ARSG: variants seen among roughly 807,000 people sequenced by gnomAD.
ARSG encodes arylsulfatase G.
In ARSG, 37 loss-of-function variants were observed where a neutral mutation model predicts 50.5. The observed-to-expected ratio is 0.73, with a 90% confidence interval of 0.56 to 0.96. ARSG has a LOEUF of 0.96. ARSG is among the 50% of genes least tolerant of loss of function. The pLI is 0.00. For synonymous variants in ARSG, 225 were observed against 254.6 expected, an observed-to-expected ratio of 0.88 and a Z score of 1.11; for missense variants, 629 against 675.3, an observed-to-expected ratio of 0.93 and a Z score of 0.76.
chr17:68,439,595 G>T, the ARSG span, among the ~76,000 whole-genome samples: 12 of 152,174 alleles, frequency 7.9e-5, no homozygotes. Context: ...ATTGAACCAT[G>T]CATTTTAAAC....
intron 2 of ARSG, among the ~76,000 whole-genome samples, chr17:68,334,967 G>A (rs1367312776): frequency 6.6e-6 from 1 of 152,128 alleles, no homozygotes; most frequent in East Asian, 1.9e-4. Context: ...CTCAATGGGA[G>A]GCATGTCAAA....
intron 8 of ARSG, among the ~76,000 whole-genome samples, chr17:68,375,560 A>G (rs1232369052): frequency 2.0e-5 from 3 of 152,246 alleles, no homozygotes; most frequent in Middle Eastern, 3.2e-3. Context: ...ATTAAAATTA[A>G]TACAATTTAA....
In ARSG at chr17:68,363,797, G is replaced by T. The variant is rs184030685; in HGVS notation, c.705-4751G>T. On this transcript the variant is annotated intron_variant, in intron 6 of 11. Transcript: ENST00000621439. ...CTAGTACGTTTCTAAATAGAGATCT[G>T]CCAGATCAAGTCTGGGTTAGAGAAG... is the stretch of plus-strand genomic sequence containing the variant. Among the ~76,000 whole-genome samples, 6 of 152,234 alleles carry T rather than the reference G, an allele frequency of 3.9e-5. No individual in the cohort carries two copies. The East Asian group carries it at 9.6e-4, about 24-fold the overall frequency.
chr17:68,296,952 C>T (rs77948503), intron 1 of ARSG, among the ~76,000 whole-genome samples: 3,668 of 152,262 alleles, frequency 0.024, 144 homozygotes, highest in African/African-American at 0.083. Flanking sequence ...GCTGGCAGGG[C>T]GAGGCAGAGC....
At chr17:68,291,199 G>A (rs2145228946), upstream of ARSG, 1 of 151,966 alleles carries the variant, frequency 6.6e-6, no homozygotes, top group East Asian at 2.0e-4. Context: ...CCCCTTAGGG[G>A]GCGGGCCCGA....
At chr17:68,428,045 C>T in the ARSG span, among the ~76,000 whole-genome samples, 231 of 152,140 alleles carry the variant, frequency 1.5e-3, 1 homozygote, top group African/African-American at 5.0e-3. Flanking sequence ...GCATGTACCA[C>T]CATGCCTGGC....
intron 3 of ARSG, 56 bp downstream of exon 3, chr17:68,343,847 T>C: frequency 6.6e-7 from 1 of 1,526,264 alleles, no homozygotes; most frequent in Non-Finnish European, 8.9e-7. Flanking sequence ...CCGCCTTGTG[T>C]TTGCAAATTC....
intron 2 of ARSG, among the ~76,000 whole-genome samples, chr17:68,339,399 C>A (rs1294029405): frequency 6.6e-6 from 1 of 152,166 alleles, no homozygotes; most frequent in African/African-American, 2.4e-5. Flanking sequence ...AGAAAATGAA[C>A]AAAAATTCCC....
At chr17:68,273,260 G>A (rs1489225616) in intron 1 of ARSG, among the ~76,000 whole-genome samples, 1 of 151,354 alleles carries the variant, frequency 6.6e-6, no homozygotes, top group Non-Finnish European at 1.5e-5. Flanking sequence ...CCAGGCTGGA[G>A]TGCAGTGGTG....
intron 6 of ARSG, among the ~76,000 whole-genome samples, chr17:68,360,818 G>A (rs2079247318): frequency 6.6e-6 from 1 of 151,946 alleles, no homozygotes; most frequent in African/African-American, 2.4e-5. Context: ...TTTGAAATCA[G>A]ACATTTCTTA....
chr17:68,342,412 G>A (rs1201086224), intron 2 of ARSG, among the ~76,000 whole-genome samples: 11 of 149,748 alleles, frequency 7.3e-5, no homozygotes, highest in Admixed American at 6.7e-4. Context: ...GGAGTGCAGT[G>A]GTGTGATCTC....
At chr17:68,319,823 C>T (rs2077208371) in intron 2 of ARSG, among the ~76,000 whole-genome samples, 2 of 152,162 alleles carry the variant, frequency 1.3e-5, no homozygotes, top group Non-Finnish European at 2.9e-5. Context: ...CCTGCCATAT[C>T]TCCTACTCCT....
intron 1 of ARSG, among the ~76,000 whole-genome samples, chr17:68,262,706 T>C (rs1172358368): frequency 2.6e-5 from 4 of 152,164 alleles, no homozygotes; most frequent in Admixed American, 6.5e-5. Flanking sequence ...TAAGATGATA[T>C]TGGCTTGGAT....
intron 1 of ARSG, among the ~76,000 whole-genome samples, chr17:68,279,958 G>T (rs1208828383): frequency 1.3e-5 from 2 of 152,088 alleles, no homozygotes; most frequent in African/African-American, 4.8e-5. Flanking sequence ...AAAGCGGGTG[G>T]ATCACCTGAG....
At chr17:68,427,432 C>G, downstream of ARSG, 1 of 446,266 alleles carries the variant, frequency 2.2e-6, no homozygotes, top group Non-Finnish European at 4.0e-6. Context: ...TCTCGGCTCA[C>G]TGCAACCTCC....
chr17:68,321,146 A>G (rs1377648452), intron 2 of ARSG, among the ~76,000 whole-genome samples: 1 of 152,132 alleles, frequency 6.6e-6, no homozygotes, highest in African/African-American at 2.4e-5. Context: ...TAGTCACTGC[A>G]CTCCAGCCTG....
chr17:68,375,943 T>G (rs1457235607), intron 8 of ARSG, among the ~76,000 whole-genome samples: 2 of 152,172 alleles, frequency 1.3e-5, no homozygotes, highest in African/African-American at 4.8e-5. Context: ...AGGGACATTA[T>G]TTAATGTTAA....
intron 5 of ARSG, among the ~76,000 whole-genome samples, chr17:68,353,656 G>T (rs1286202165): frequency 1.3e-5 from 2 of 152,118 alleles, no homozygotes; most frequent in Non-Finnish European, 2.9e-5. Flanking sequence ...CCATATGAAG[G>T]TATGACATAT....
At chr17:68,331,007 C>G (rs2077715393) in intron 2 of ARSG, among the ~76,000 whole-genome samples, 1 of 140,072 alleles carries the variant, frequency 7.1e-6, no homozygotes, top group African/African-American at 2.7e-5. Context: ...TGGGCGGGGA[C>G]AGAGTGTTAC....
Sources: allele counts gnomAD v4.1 joint callset (sites outside exome capture counted in the v4.1 genomes callset), GRCh38; gene constraint gnomAD v4.1.1; transcripts MANE v1.5; gene names NCBI Gene and HGNC (gene_info 2026-07-23, HGNC 2026-07-21).